LIG1: variants seen among roughly 807,000 people sequenced by gnomAD.
The protein encoded by LIG1 is ligase I, DNA, ATP-dependent.
In LIG1, 70 loss-of-function variants were observed where a neutral mutation model predicts 115.7. That is an observed-to-expected ratio of 0.60 (90% confidence interval 0.50 to 0.74). LIG1 has a LOEUF of 0.74. Ranked by LOEUF, LIG1 falls within the 30% of genes least tolerant of loss-of-function variation. The pLI is 0.00. For synonymous variants in LIG1, 487 were observed against 495.3 expected (o/e 0.98, Z 0.22); for missense variants, 1,115 against 1,225.6 (o/e 0.91, Z 1.35).
intron 2 of LIG1, among the ~76,000 whole-genome samples, chr19:48,165,078 G>A (rs1457599151): frequency 6.6e-6 from 1 of 152,200 alleles, no homozygotes; most frequent in African/African-American, 2.4e-5. Context: ...GACCAACGTG[G>A]TGAAACCCCG....
intron 17 of LIG1, among the ~76,000 whole-genome samples, chr19:48,133,756 C>T (rs778832124): frequency 4.6e-5 from 7 of 152,164 alleles, no homozygotes; most frequent in East Asian, 3.9e-4. Context: ...CCACCACGCC[C>T]GGCTCCTGTT....
chr19:48,144,092 T>C (rs1210494350), intron 9 of LIG1, 129 bp from the exon 10 acceptor site: 1 of 802,910 alleles, frequency 1.2e-6, no homozygotes, highest in Non-Finnish European at 2.2e-6. Flanking sequence ...CAAAGTTTGC[T>C]AACCTGGAGC....
rs2034981401 is a variant in LIG1 at position 48,144,355 on chromosome 19, C to CGCTG, written c.777-396_777-393dup. Among the ~76,000 whole-genome samples the CGCTG allele has an allele frequency of 2.0e-5, 3 of 152,142 alleles. No individual in the cohort carries two copies. The South Asian group carries it at 6.2e-4, about 32-fold the overall frequency. ...GCAGAGAGAATAGCGTGTGCAAAGGCGCTGAGGTGCAGACAAACTTGAGAA... is the reference window on the plus strand; with the variant it reads ...GCAGAGAGAATAGCGTGTGCAAAGGCGCTGGCTGAGGTGCAGACAAACTTGAGAA... On this transcript the variant is annotated intron_variant, in intron 9 of 27. Transcript: ENST00000263274.
In LIG1 at chr19:48,123,013, G is replaced by A. The variant is rs775243923; in HGVS notation, c.2153C>T (p.Ser718Phe). Residue 718 changes from serine to phenylalanine, a missense_variant, in exon 23 of 28, where the codon TCC becomes TTC. Ser to Phe is a radical substitution (Grantham distance 155). Coordinates refer to ENST00000263274, the MANE Select transcript of LIG1 (RefSeq NM_000234.3). ...AEFLEQSVKD[S>F]CEGLMVKTLD... ...GGTCTTCACCATCAGCCCCTCGCAG[G>A]AGTCTGAGGGAGACACAGAAGCGTG... 2 of 1,613,852 alleles carry A rather than the reference G, an allele frequency of 1.2e-6. No homozygotes were observed. Among genetic ancestry groups the A allele is most frequent in the South Asian group, 1.1e-5 (1 of 91,062 alleles).
At chr19:48,155,991 C>T (rs900016911) in intron 5 of LIG1, among the ~76,000 whole-genome samples, 4 of 152,178 alleles carry the variant, frequency 2.6e-5, no homozygotes, top group South Asian at 2.1e-4. Context: ...TAGGCTAGAC[C>T]GGACGGCAAG....
rs1170293156 is a variant in LIG1 at position 48,159,710 on chromosome 19, TTTA to T, written c.243+1659_243+1661del. On this transcript the variant is annotated intron_variant, in intron 4 of 27. Coordinates refer to ENST00000263274, the MANE Select transcript of LIG1 (RefSeq NM_000234.3). ...AGAAGGAGGCAATGCCACTTGCTTATTTATTTATTTATTTATTTATTTTTTGAG... is the reference window on the plus strand; with the variant it reads ...AGAAGGAGGCAATGCCACTTGCTTATTTTATTTATTTATTTATTTTTTGAG... Among the ~76,000 whole-genome samples, 3 of 137,518 alleles carry T rather than the reference TTTA, an allele frequency of 2.2e-5. No homozygotes were observed. The East Asian group carries it at 6.0e-4, about 28-fold the overall frequency. 90.2% of individuals were successfully genotyped at this position (137,518 alleles called of 152,430 possible).
In LIG1 at chr19:48,122,434, G is replaced by A. The variant is rs1035408533; in HGVS notation, c.2232+500C>T. On this transcript the variant is annotated intron_variant, in intron 23 of 27. Coordinates refer to ENST00000263274, the MANE Select transcript of LIG1 (RefSeq NM_000234.3). The surrounding 1 kb of genome is among the most constrained non-coding windows in gnomAD (Gnocchi z 4.3). ...CCCGCCTCGCCTGCCCTTGCTCCCT[G>A]CACACGCAGAGGCTGCTCCTCCCTC... 9.2e-6 allele frequency: 2 copies of A among 216,740 alleles called. No individual in the cohort carries two copies. The highest frequency in any genetic ancestry group is 9.4e-6 in the Non-Finnish European group (1 of 106,766). The allele number at this position is 216,740 out of a possible 1,614,324, so 13.4% of individuals were successfully genotyped here.
Position 48,136,138 on chromosome 19 carries a change from C to T in LIG1, c.1332-13G>A, listed in dbSNP as rs766419904. ...TCCGCTCAGGGACCTGGGGAGAGAG[C>T]AGGCCAGGGAAGGGGGCTTGTCTGC... On this transcript the variant is annotated splice_polypyrimidine_tract_variant and intron_variant, in intron 14 of 27. Transcript: ENST00000263274. 11 of 1,557,064 alleles carry T rather than the reference C, an allele frequency of 7.1e-6. No homozygotes were observed. In the South Asian group the frequency reaches 1.3e-4, roughly 18 times the overall value.
Position 48,128,030 on chromosome 19 carries a change from G to T in LIG1, c.1822-10C>A. Reference sequence around the variant, plus strand: ...CCGATGGGAGTTTAATCTGAAAAGTGAAGGGAGAGACCCAGGGCCTGAGAG... The same window carrying T: ...CCGATGGGAGTTTAATCTGAAAAGTTAAGGGAGAGACCCAGGGCCTGAGAG... On this transcript the variant is annotated splice_polypyrimidine_tract_variant and intron_variant, in intron 19 of 27. Coordinates refer to ENST00000263274, the MANE Select transcript of LIG1 (RefSeq NM_000234.3). 1 of 1,605,562 alleles carries T rather than the reference G, an allele frequency of 6.2e-7. No individual in the cohort carries two copies. Among genetic ancestry groups the T allele is most frequent in the Non-Finnish European group, 8.5e-7 (1 of 1,172,226 alleles).
At chr19:48,156,355 C>T (rs960117145) in intron 5 of LIG1, among the ~76,000 whole-genome samples, 1 of 152,220 alleles carries the variant, frequency 6.6e-6, no homozygotes, top group Admixed American at 6.5e-5. Context: ...GTGAGGCCTC[C>T]ATCTCAGCGC....
At chr19:48,158,639 G>A (rs1319476009) in intron 4 of LIG1, among the ~76,000 whole-genome samples, 1 of 152,262 alleles carries the variant, frequency 6.6e-6, no homozygotes, top group Non-Finnish European at 1.5e-5. Context: ...CAGTGCCAAT[G>A]GAGGGAAGCA....
rs1412746888 is a variant in LIG1 at position 48,127,877 on chromosome 19, G to A, written c.1932+33C>T. ...CTGGGTGGAAGATGAGGAAGTACGGGGCCTTGGCAGGCAGTGGAGCGGGTG... is the reference window on the plus strand; with the variant it reads ...CTGGGTGGAAGATGAGGAAGTACGGAGCCTTGGCAGGCAGTGGAGCGGGTG... On this transcript the variant is annotated intron_variant, in intron 20 of 27. Coordinates refer to ENST00000263274, the MANE Select transcript of LIG1 (RefSeq NM_000234.3). 10 of 1,524,122 alleles carry A rather than the reference G, an allele frequency of 6.6e-6. No homozygotes were observed. The Admixed American group carries it at 1.3e-4, about 20-fold the overall frequency. 94.4% of individuals were successfully genotyped at this position (1,524,122 alleles called of 1,614,324 possible).
At chr19:48,118,915 G>A (rs910572898) in intron 25 of LIG1, among the ~76,000 whole-genome samples, 16 of 152,298 alleles carry the variant, frequency 1.1e-4, no homozygotes, top group African/African-American at 3.8e-4. Context: ...CAGGGCTTGG[G>A]GAGGTGAGGC....
Position 48,115,664 on chromosome 19 carries a change from A to G in LIG1, c.2745T>C (p.Pro915=), listed in dbSNP as rs747174026. ...NQQGEDSGSD[P]EDTY Reference sequence around the variant, plus strand: ...GGGCGAGGGCTTAGTAGGTATCTTCAGGGTCAGAGCCTGAGTCCTCGCCTT... The same window carrying G: ...GGGCGAGGGCTTAGTAGGTATCTTCGGGGTCAGAGCCTGAGTCCTCGCCTT... The change falls in exon 28 of 28, where the codon CCT becomes CCC. Residue 915 remains proline, a synonymous_variant. Coordinates refer to ENST00000263274, the MANE Select transcript of LIG1 (RefSeq NM_000234.3). The G allele has an allele frequency of 2.1e-5, 34 of 1,613,692 alleles. No individual in the cohort carries two copies. Among genetic ancestry groups the G allele is most frequent in the Non-Finnish European group, 2.6e-5 (31 of 1,179,564 alleles).
chr19:48,156,810 G>A (rs3730869), intron 5 of LIG1, among the ~76,000 whole-genome samples: 49,250 of 151,634 alleles, frequency 0.32, 8,869 homozygotes, highest in East Asian at 0.56. Flanking sequence ...GCATGGTGGC[G>A]GGCTCCTGTA....
intron 21 of LIG1, among the ~76,000 whole-genome samples, chr19:48,124,173 T>C (rs2033501942): frequency 6.6e-6 from 1 of 152,222 alleles, no homozygotes; most frequent in Non-Finnish European, 1.5e-5. Context: ...TAAACTACCT[T>C]CACCACTTGC....
intron 1 of LIG1, chr19:48,169,911 T>TAC (rs35030999): frequency 1.3e-5 from 1 of 79,996 alleles, no homozygotes; most frequent in East Asian, 4.9e-4. Flanking sequence ...CACACAGTTT[T>TAC]CCCCCCCCCG....
chr19:48,120,691 G>A (rs3731030), intron 24 of LIG1: 33,131 of 452,394 alleles, frequency 0.073, 2,426 homozygotes, highest in African/African-American at 0.27. Context: ...GGCTGACTCA[G>A]GGTCCAACCC....
chr19:48,120,488 C>T, intron 24 of LIG1: 1 of 985,004 alleles, frequency 1.0e-6, no homozygotes, highest in East Asian at 1.1e-4. Context: ...GCAAAAGACC[C>T]AAATTTGTTG....
Sources: gnomAD v4.1 joint callset for allele counts (sites outside exome capture counted in the v4.1 genomes callset) on GRCh38, gnomAD v4.1.1 for gene constraint, Gnocchi (gnomAD v3.1) non-coding constraint, MANE v1.5 for transcripts, NCBI Gene and HGNC (gene_info 2026-07-23, HGNC 2026-07-21) for gene names.